TMEM117: variants seen among roughly 807,000 people sequenced by gnomAD.
TMEM117 encodes transmembrane protein 117.
In TMEM117, 27 loss-of-function variants were observed where a neutral mutation model predicts 52.4. The ratio of observed to expected loss-of-function variants is 0.51; its 90% CI spans 0.38 to 0.71. The LOEUF (loss-of-function observed/expected upper bound fraction) is 0.71, where lower values mean the gene tolerates loss of function less well. TMEM117 is among the 30% of genes least tolerant of loss of function. The pLI is 0.00. For missense variants in TMEM117, 556 were observed against 630.5 expected, an observed-to-expected ratio of 0.88 and a Z score of 1.26; for synonymous variants, 215 against 206.3, an observed-to-expected ratio of 1.04 and a Z score of -0.36.
At chr12:44,322,599 A>G (rs958119863) in intron 6 of TMEM117, among the ~76,000 whole-genome samples, 3 of 152,182 alleles carry the variant, frequency 2.0e-5, no homozygotes, top group African/African-American at 7.2e-5. Flanking sequence ...AGCCAATGTA[A>G]CTATTTTTGA....
chr12:44,300,572 A>G (rs955533794), intron 6 of TMEM117, among the ~76,000 whole-genome samples: 1 of 152,224 alleles, frequency 6.6e-6, no homozygotes, highest in Non-Finnish European at 1.5e-5. Flanking sequence ...TCATTTCTAG[A>G]GGCAAAAAGA....
intron 2 of TMEM117, among the ~76,000 whole-genome samples, chr12:43,928,668 T>C (rs1233886185): frequency 6.6e-6 from 1 of 151,754 alleles, no homozygotes; most frequent in South Asian, 2.1e-4. Context: ...TATGTATACA[T>C]GTGCCATGCT....
chr12:44,012,197 C>T (rs1245304413), intron 3 of TMEM117, among the ~76,000 whole-genome samples: 1 of 151,606 alleles, frequency 6.6e-6, no homozygotes, highest in Non-Finnish European at 1.5e-5. Flanking sequence ...TGTTTTTTTC[C>T]CTCTGGTTTT....
At chr12:43,862,876 A>G (rs564622190) in intron 2 of TMEM117, among the ~76,000 whole-genome samples, 2 of 152,350 alleles carry the variant, frequency 1.3e-5, no homozygotes, top group South Asian at 4.1e-4. Flanking sequence ...CCAAGACAGG[A>G]GAATCGCTTG....
intron 5 of TMEM117, among the ~76,000 whole-genome samples, chr12:44,227,189 T>G (rs947450404): frequency 6.6e-6 from 1 of 152,144 alleles, no homozygotes; most frequent in African/African-American, 2.4e-5. Context: ...CCCTGGGAAC[T>G]TTATTATTTG....
At chr12:44,364,149 A>G (rs1290922755) in intron 6 of TMEM117, among the ~76,000 whole-genome samples, 3 of 152,186 alleles carry the variant, frequency 2.0e-5, no homozygotes, top group Non-Finnish European at 1.5e-5. Context: ...ACATTTACCT[A>G]TGGTTCACCA....
At chr12:44,178,389 G>A (rs975878361) in intron 4 of TMEM117, among the ~76,000 whole-genome samples, 3 of 152,134 alleles carry the variant, frequency 2.0e-5, no homozygotes, top group Admixed American at 1.3e-4. Context: ...GACCCCAGTC[G>A]TTTCTGCATT....
At chr12:44,082,199 G>A (rs1947491989) in intron 3 of TMEM117, among the ~76,000 whole-genome samples, 1 of 151,782 alleles carries the variant, frequency 6.6e-6, no homozygotes, top group African/African-American at 2.4e-5. Flanking sequence ...TTATTTATAA[G>A]CATGAAATCT....
intron 3 of TMEM117, among the ~76,000 whole-genome samples, chr12:44,090,849 G>GTTTTTTTTTTT (rs541939145): frequency 2.1e-4 from 21 of 101,636 alleles, no homozygotes; most frequent in South Asian, 3.2e-4. Context: ...GTTTTTTTTT[G>GTTTTTTTTTTT]TTTTTTTTTT....
At chr12:43,852,579 C>T (rs116483978) in intron 2 of TMEM117, among the ~76,000 whole-genome samples, 2,071 of 152,230 alleles carry the variant, frequency 0.014, 35 homozygotes, top group African/African-American at 0.048. Context: ...TCCAGCCTGG[C>T]ATGGAGCGAG....
chr12:44,376,390 T>C, intron 6 of TMEM117: 2 of 655,608 alleles, frequency 3.1e-6, no homozygotes, highest in Non-Finnish European at 5.4e-6. Context: ...TCTGAAGATA[T>C]AAGTTATGAC....
intron 5 of TMEM117, among the ~76,000 whole-genome samples, chr12:44,252,172 C>T: frequency 6.6e-6 from 1 of 152,158 alleles, no homozygotes; most frequent in East Asian, 1.9e-4. Context: ...CAAGGCCTTT[C>T]TCCTTTTTTT....
At chr12:43,898,054 A>ATG (rs1565740452) in intron 2 of TMEM117, among the ~76,000 whole-genome samples, 5 of 149,488 alleles carry the variant, frequency 3.3e-5, no homozygotes, top group Non-Finnish European at 5.9e-5. Flanking sequence ...GCACGCACAC[A>ATG]CACACACACA....
intron 2 of TMEM117, among the ~76,000 whole-genome samples, chr12:43,846,022 C>A (rs1444680086): frequency 6.6e-6 from 1 of 152,060 alleles, no homozygotes; most frequent in African/African-American, 2.4e-5. Context: ...GCCTCCATAT[C>A]ACAGCACATT....
intron 3 of TMEM117, among the ~76,000 whole-genome samples, chr12:44,125,262 G>A (rs1260521318): frequency 6.6e-6 from 1 of 152,100 alleles, no homozygotes; most frequent in African/African-American, 2.4e-5. Flanking sequence ...CCGCCACCAA[G>A]CCCGGCTAAT....
chr12:44,010,174 T>TGA, intron 3 of TMEM117: 1 of 516,452 alleles, frequency 1.9e-6, no homozygotes, highest in East Asian at 5.5e-5. Flanking sequence ...ACCCTGTGTG[T>TGA]GACACTGACA....
chr12:44,057,104 A>G (rs978060970), intron 3 of TMEM117, among the ~76,000 whole-genome samples: 5 of 152,170 alleles, frequency 3.3e-5, no homozygotes, highest in African/African-American at 1.2e-4. Flanking sequence ...GTGTAACTTT[A>G]AAAGTTATAT....
intron 2 of TMEM117, among the ~76,000 whole-genome samples, chr12:43,902,387 AT>A (rs1250752300): frequency 1.3e-5 from 2 of 152,230 alleles, no homozygotes; most frequent in Non-Finnish European, 2.9e-5. Context: ...CTGGGACTTG[AT>A]TTCAGGAAAA....
At chr12:43,807,748 T>G in the TMEM117 span, among the ~76,000 whole-genome samples, 1 of 152,232 alleles carries the variant, frequency 6.6e-6, no homozygotes, top group Non-Finnish European at 1.5e-5. Flanking sequence ...GGGACCACCC[T>G]GACAGCCACC....
Sources: allele counts gnomAD v4.1 joint callset (sites outside exome capture counted in the v4.1 genomes callset), GRCh38; gene constraint gnomAD v4.1.1; transcripts MANE v1.5; gene names NCBI Gene and HGNC (gene_info 2026-07-23, HGNC 2026-07-21).